CNTLN: variants seen among roughly 807,000 people sequenced by gnomAD.
CNTLN encodes the protein centlein, also known as centlein, centrosomal protein.
CNTLN carries 212 observed loss-of-function variants against 180.0 expected under a neutral mutation model. The ratio of observed to expected loss-of-function variants is 1.18; its 90% CI spans 1.05 to 1.32. The LOEUF (loss-of-function observed/expected upper bound fraction) is 1.32, where lower values mean the gene tolerates loss of function less well. Among genes scored for constraint, CNTLN ranks in the 40% most tolerant of loss-of-function variants. The pLI, the probability that CNTLN is intolerant of heterozygous loss-of-function variation, is 0.00. For synonymous variants in CNTLN, 722 were observed against 563.1 expected (o/e 1.28, Z -3.99); for missense variants, 2,095 against 1,610.9 (o/e 1.30, Z -5.14).
intron 15 of CNTLN, among the ~76,000 whole-genome samples, chr9:17,403,742 G>C (rs1827164336): frequency 6.6e-6 from 1 of 151,664 alleles, no homozygotes; most frequent in African/African-American, 2.4e-5. Context: ...AGGTGGCCTA[G>C]TCAGCATTTT....
intron 18 of CNTLN, among the ~76,000 whole-genome samples, chr9:17,418,936 T>C (rs1224995209): frequency 6.6e-6 from 1 of 152,084 alleles, no homozygotes; most frequent in African/African-American, 2.4e-5. Context: ...GGTATTTTTT[T>C]CCCTGTCAGT....
At chr9:17,277,840 A>C (rs1326617400) in intron 6 of CNTLN, among the ~76,000 whole-genome samples, 1 of 152,124 alleles carries the variant, frequency 6.6e-6, no homozygotes, top group Non-Finnish European at 1.5e-5. Context: ...ATGTTGAGAA[A>C]AATAGAAGGT....
rs1044172249 is a variant in CNTLN at position 17,143,392 on chromosome 9, AT to A, written c.449+22del. 6 of 1,590,292 alleles carry A rather than the reference AT, an allele frequency of 3.8e-6. No individual in the cohort carries two copies. Among genetic ancestry groups the A allele is most frequent in the African/African-American group, 2.7e-5 (2 of 74,436 alleles). On this transcript the variant is annotated intron_variant, in intron 2 of 25. Transcript: ENST00000380647. Reference sequence around the variant, plus strand: ...TTGTGGAAAGGTGAGCTCTCAAATTATTTTTTCATGAGTATTTGGTGTGTTG... The same window carrying A: ...TTGTGGAAAGGTGAGCTCTCAAATTATTTTTCATGAGTATTTGGTGTGTTG...
chr9:17,305,416 T>C (rs1486094296), intron 7 of CNTLN, among the ~76,000 whole-genome samples: 1 of 152,116 alleles, frequency 6.6e-6, no homozygotes, highest in Non-Finnish European at 1.5e-5. Context: ...CTGAAAACTG[T>C]TGTAAGGAAT....
At chr9:17,445,486 C>A (rs1830351452) in intron 18 of CNTLN, among the ~76,000 whole-genome samples, 1 of 152,128 alleles carries the variant, frequency 6.6e-6, no homozygotes, top group Non-Finnish European at 1.5e-5. Context: ...TAATCTATAA[C>A]CTTACCCCCA....
At chr9:17,445,907 A>G (rs2134076944) in intron 18 of CNTLN, among the ~76,000 whole-genome samples, 1 of 152,282 alleles carries the variant, frequency 6.6e-6, no homozygotes, top group East Asian at 1.9e-4. Context: ...ACCCGATTGT[A>G]TGCTCCATCT....
At chr9:17,158,589 CT>C in intron 2 of CNTLN, among the ~76,000 whole-genome samples, 1 of 151,826 alleles carries the variant, frequency 6.6e-6, no homozygotes, top group Non-Finnish European at 1.5e-5. Flanking sequence ...TCTATTTTTT[CT>C]TGAGTCAGTT....
At chr9:17,525,097 AC>A in the CNTLN span, among the ~76,000 whole-genome samples, 1 of 152,160 alleles carries the variant, frequency 6.6e-6, no homozygotes, top group South Asian at 2.1e-4. Flanking sequence ...TTCATAAAGA[AC>A]CCTATATGGA....
At chr9:17,527,412 AATAG>A in the CNTLN span, among the ~76,000 whole-genome samples, 2 of 152,224 alleles carry the variant, frequency 1.3e-5, no homozygotes, top group African/African-American at 4.8e-5. Flanking sequence ...TTTATCCTTA[AATAG>A]ATAGAAGCTC....
At chr9:17,364,185 T>C (rs1269566030) in intron 12 of CNTLN, among the ~76,000 whole-genome samples, 2 of 152,204 alleles carry the variant, frequency 1.3e-5, no homozygotes, top group African/African-American at 4.8e-5. Context: ...GCTATTAATA[T>C]TTTGACTGTT....
intron 23 of CNTLN, among the ~76,000 whole-genome samples, chr9:17,468,820 A>T (rs1297716731): frequency 6.6e-6 from 1 of 151,706 alleles, no homozygotes; most frequent in Non-Finnish European, 1.5e-5. Context: ...TTAATGATGA[A>T]GTGGGTATCT....
chr9:17,258,416 C>A (rs1244935325), intron 5 of CNTLN, among the ~76,000 whole-genome samples: 1 of 151,340 alleles, frequency 6.6e-6, no homozygotes, highest in Admixed American at 6.6e-5. Flanking sequence ...TATCATGATG[C>A]CTTCAGCTTT....
intron 13 of CNTLN, among the ~76,000 whole-genome samples, chr9:17,370,418 A>T (rs542378176): frequency 6.6e-6 from 1 of 152,058 alleles, no homozygotes; most frequent in Non-Finnish European, 1.5e-5. Context: ...AAAGTGCTGA[A>T]GGAAAAAACA....
intron 2 of CNTLN, among the ~76,000 whole-genome samples, chr9:17,203,808 C>T (rs954209709): frequency 1.4e-4 from 22 of 152,326 alleles, no homozygotes; most frequent in Admixed American, 9.1e-4. Flanking sequence ...CCACCCGCCT[C>T]GGCCTCCCGA....
At chr9:17,159,833 T>G (rs1046591077) in intron 2 of CNTLN, among the ~76,000 whole-genome samples, 8 of 152,196 alleles carry the variant, frequency 5.3e-5, no homozygotes, top group Non-Finnish European at 2.9e-5. Flanking sequence ...GGATAGATGT[T>G]TCTTCATTTG....
chr9:17,436,982 A>G (rs187869197), intron 18 of CNTLN, among the ~76,000 whole-genome samples: 318 of 152,346 alleles, frequency 2.1e-3, no homozygotes, highest in Non-Finnish European at 3.7e-3. Flanking sequence ...GGCTTTTGCC[A>G]GATGAAGCAC....
At chr9:17,346,301 A>G (rs112268023) in intron 12 of CNTLN, among the ~76,000 whole-genome samples, 3 of 151,736 alleles carry the variant, frequency 2.0e-5, no homozygotes, top group African/African-American at 4.8e-5. Flanking sequence ...CCATGATCCA[A>G]TCATGGGGAA....
chr9:17,227,749 G>A (rs965698998), intron 3 of CNTLN, among the ~76,000 whole-genome samples: 9 of 151,940 alleles, frequency 5.9e-5, no homozygotes, highest in African/African-American at 7.2e-5. Context: ...AAATTTACAC[G>A]TTTTCCAAAG....
intron 6 of CNTLN, 62 bp downstream of exon 6, chr9:17,273,928 C>G (rs12379655): frequency 0.27 from 325,122 of 1,216,484 alleles, 45,440 homozygotes; most frequent in South Asian, 0.39. Context: ...CAGAATGATA[C>G]CATTTATACT....
Sources: gnomAD v4.1 joint callset for allele counts (sites outside exome capture counted in the v4.1 genomes callset) on GRCh38, gnomAD v4.1.1 for gene constraint, MANE v1.5 for transcripts, NCBI Gene and HGNC (gene_info 2026-07-23, HGNC 2026-07-21) for gene names.